The following GALNT13 variants were observed in gnomAD, a reference collection of about 807,000 sequenced individuals.
GALNT13 encodes the protein polypeptide N-acetylgalactosaminyltransferase 13, also known as UDP-GalNAc:polypeptide N-acetylgalactosaminyltransferase 13.
In GALNT13, 28 loss-of-function variants were observed where a neutral mutation model predicts 64.2. The observed-to-expected ratio is 0.44, with a 90% CI of 0.32 to 0.60. The LOEUF (loss-of-function observed/expected upper bound fraction) is 0.60, where lower values mean the gene tolerates loss of function less well. Among genes scored for constraint, GALNT13 ranks in the 20% least tolerant of loss-of-function variants. The pLI, the probability that GALNT13 is intolerant of heterozygous loss-of-function variation, is 0.05. For synonymous variants in GALNT13, 214 were observed against 224.6 expected (o/e 0.95, Z 0.42); for missense variants, 577 against 669.8 (o/e 0.86, Z 1.53).
At chr2:153,828,520 C>T in the GALNT13 span, among the ~76,000 whole-genome samples, 8 of 152,280 alleles carry the variant, frequency 5.3e-5, 1 homozygote, top group South Asian at 4.1e-4. Flanking sequence ...CTTGTAGCCA[C>T]GGCTGGAGTG....
At chr2:153,472,285 CCTT>C in the GALNT13 span, among the ~76,000 whole-genome samples, 6 of 152,056 alleles carry the variant, frequency 3.9e-5, no homozygotes, top group Admixed American at 6.6e-5. Context: ...AAAACTATAA[CCTT>C]CTCTCTCTGT....
chr2:153,899,916 CATATATAT>C (rs869097034), intron 1 of GALNT13, among the ~76,000 whole-genome samples: 1 of 125,320 alleles, frequency 8.0e-6, no homozygotes, highest in African/African-American at 3.0e-5. Flanking sequence ...GAGATATATA[CATATATAT>C]ATATATATAT....
the GALNT13 span, among the ~76,000 whole-genome samples, chr2:153,263,651 C>A: frequency 6.6e-6 from 1 of 152,228 alleles, no homozygotes. Context: ...CACACATCTA[C>A]AATAATCTGC....
At chr2:153,418,695 C>T in the GALNT13 span, among the ~76,000 whole-genome samples, 1 of 151,922 alleles carries the variant, frequency 6.6e-6, no homozygotes, top group East Asian at 1.9e-4. Flanking sequence ...GAATTGGCTT[C>T]GAGAGAGTGG....
At chr2:153,718,108 AT>A in the GALNT13 span, among the ~76,000 whole-genome samples, 1 of 152,156 alleles carries the variant, frequency 6.6e-6, no homozygotes, top group Admixed American at 6.5e-5. Context: ...TTCTCACTTA[AT>A]TAAAAAGTCC....
chr2:153,100,896 G>T, the GALNT13 span, among the ~76,000 whole-genome samples: 6 of 152,058 alleles, frequency 3.9e-5, no homozygotes, highest in African/African-American at 1.4e-4. Flanking sequence ...GGGCATGGTG[G>T]TGCATGCCTG....
the GALNT13 span, among the ~76,000 whole-genome samples, chr2:153,283,280 C>T: frequency 6.6e-6 from 1 of 152,212 alleles, no homozygotes; most frequent in Non-Finnish European, 1.5e-5. Context: ...TGAGAAATCT[C>T]CTCTGCCCAA....
intron 3 of GALNT13, among the ~76,000 whole-genome samples, chr2:154,086,196 T>G (rs1449976603): frequency 6.7e-6 from 1 of 148,200 alleles, no homozygotes; most frequent in East Asian, 1.9e-4. Flanking sequence ...GTATAACATT[T>G]TCTATAATGA....
At chr2:153,092,692 G>A in the GALNT13 span, among the ~76,000 whole-genome samples, 3 of 152,242 alleles carry the variant, frequency 2.0e-5, no homozygotes, top group South Asian at 2.1e-4. Context: ...TTTGTATTCT[G>A]CAGCTTTACT....
At chr2:153,293,376 T>C in the GALNT13 span, among the ~76,000 whole-genome samples, 1 of 152,018 alleles carries the variant, frequency 6.6e-6, no homozygotes, top group Non-Finnish European at 1.5e-5. Context: ...AGAGAAGATA[T>C]GAAGATCGAA....
At chr2:154,447,521 T>A (rs1701654296) in intron 12 of GALNT13, among the ~76,000 whole-genome samples, 1 of 151,930 alleles carries the variant, frequency 6.6e-6, no homozygotes, top group East Asian at 1.9e-4. Context: ...GCTTTTAGTT[T>A]TAAAGAGTGT....
At chr2:153,733,452 G>A in the GALNT13 span, among the ~76,000 whole-genome samples, 11 of 152,174 alleles carry the variant, frequency 7.2e-5, no homozygotes, top group African/African-American at 2.6e-4. Flanking sequence ...GATTTTCTTT[G>A]TGCCATAGTG....
chr2:153,840,071 C>T, the GALNT13 span, among the ~76,000 whole-genome samples: 1 of 151,974 alleles, frequency 6.6e-6, no homozygotes, highest in Non-Finnish European at 1.5e-5. Context: ...GTGGGTGGCA[C>T]ATTGTAGTTA....
the GALNT13 span, among the ~76,000 whole-genome samples, chr2:153,537,441 G>A: frequency 3.3e-5 from 5 of 152,292 alleles, no homozygotes; most frequent in East Asian, 9.7e-4. Context: ...TGAGGGAGGA[G>A]TGCATCCTCT....
the GALNT13 span, among the ~76,000 whole-genome samples, chr2:153,627,880 C>T: frequency 6.6e-6 from 1 of 152,030 alleles, no homozygotes; most frequent in Non-Finnish European, 1.5e-5. Flanking sequence ...TTTTCCAATT[C>T]TGTGAAGAAG....
At chr2:154,324,803 A>AG (rs1694797373) in intron 9 of GALNT13, among the ~76,000 whole-genome samples, 1 of 152,070 alleles carries the variant, frequency 6.6e-6, no homozygotes, top group South Asian at 2.1e-4. Flanking sequence ...CACCGGCAGG[A>AG]GTGTGGTTGC....
the GALNT13 span, among the ~76,000 whole-genome samples, chr2:153,329,498 G>C: frequency 6.6e-6 from 1 of 151,976 alleles, no homozygotes; most frequent in African/African-American, 2.4e-5. Flanking sequence ...ATCTCATTTT[G>C]GTTTTGATTT....
At chr2:153,561,143 T>A in the GALNT13 span, among the ~76,000 whole-genome samples, 1 of 151,118 alleles carries the variant, frequency 6.6e-6, no homozygotes, top group South Asian at 2.1e-4. Flanking sequence ...GCCAGTTTAC[T>A]AAACTCTTAT....
At chr2:153,158,393 T>C in the GALNT13 span, among the ~76,000 whole-genome samples, 1 of 152,192 alleles carries the variant, frequency 6.6e-6, no homozygotes, top group African/African-American at 2.4e-5. Context: ...AAGTAGTCTC[T>C]GAATTAACCC....
Sources: gnomAD v4.1 joint callset for allele counts (sites outside exome capture counted in the v4.1 genomes callset) on GRCh38, gnomAD v4.1.1 for gene constraint, MANE v1.5 for transcripts, NCBI Gene and HGNC (gene_info 2026-07-23, HGNC 2026-07-21) for gene names.